The following CPB1 variants were observed in gnomAD, a reference collection of about 807,000 sequenced individuals.
The protein encoded by CPB1 is carboxypeptidase B1, also known as carboxypeptidase B.
CPB1 carries 53 observed loss-of-function variants against 51.4 expected under a neutral mutation model. The observed-to-expected ratio is 1.03, with a 90% confidence interval of 0.83 to 1.30. The LOEUF (loss-of-function observed/expected upper bound fraction) is 1.30, where lower values mean the gene tolerates loss of function less well. Among genes scored for constraint, CPB1 ranks in the 50% most tolerant of loss-of-function variants. The probability of loss-of-function intolerance (pLI) is 0.00; values close to 1 mark genes in which losing one functional copy is unlikely to be tolerated. For synonymous variants in CPB1, 189 were observed against 186.9 expected (o/e 1.01, Z -0.09); for missense variants, 494 against 516.2 (o/e 0.96, Z 0.42).
intron 9 of CPB1, among the ~76,000 whole-genome samples, chr3:148,846,560 A>T (rs958625411): frequency 6.6e-6 from 1 of 151,530 alleles, no homozygotes; most frequent in Non-Finnish European, 1.5e-5. Context: ...ATACTTTCAG[A>T]TTCAGTCTTT....
chr3:148,844,758 G>T lies in CPB1; in HGVS notation c.769G>T (p.Gly257Cys). 1 of 1,613,758 alleles carries T rather than the reference G, an allele frequency of 6.2e-7. No homozygotes were observed. The highest frequency in any genetic ancestry group is 8.5e-7 in the Non-Finnish European group (1 of 1,179,726). Residue 257 changes from glycine to cysteine, a missense_variant, in exon 8 of 11, where the codon GGT becomes TGT. Transcript: ENST00000282957. ...AGACCCCAACAGAAATTTTGATGCTGGTTGGTGTGGTAAGTATCTGGCTAG... is the reference window on the plus strand; with the variant it reads ...AGACCCCAACAGAAATTTTGATGCTTGTTGGTGTGGTAAGTATCTGGCTAG... ...GTDPNRNFDA[G>C]WCEIGASRNP... is the part of the protein sequence containing the mutation.
intron 2 of CPB1, among the ~76,000 whole-genome samples, chr3:148,829,993 A>G (rs9821558): frequency 0.57 from 86,021 of 151,968 alleles, 25,301 homozygotes; most frequent in Middle Eastern, 0.73. Flanking sequence ...ATCAAGATTC[A>G]ACATTCTACC....
At chr3:148,843,478 T>C (rs904463881) in intron 6 of CPB1, among the ~76,000 whole-genome samples, 7 of 152,086 alleles carry the variant, frequency 4.6e-5, no homozygotes, top group Non-Finnish European at 8.8e-5. Flanking sequence ...ATCACTTAGC[T>C]TCACTATGTA....
chr3:148,848,931 A>G (rs1479728995), intron 9 of CPB1, among the ~76,000 whole-genome samples: 1 of 152,216 alleles, frequency 6.6e-6, no homozygotes, highest in South Asian at 2.1e-4. Flanking sequence ...TACTCATACT[A>G]TATTGTTTAA....
intron 3 of CPB1, among the ~76,000 whole-genome samples, chr3:148,837,508 GA>G (rs1712939536): frequency 6.6e-6 from 1 of 151,002 alleles, no homozygotes; most frequent in Admixed American, 6.6e-5. Context: ...GGAGAAGTTG[GA>G]TGGCACTATA....
At chr3:148,852,153 G>A (rs934440266) in intron 9 of CPB1, among the ~76,000 whole-genome samples, 6 of 152,238 alleles carry the variant, frequency 3.9e-5, no homozygotes, top group Admixed American at 2.6e-4. Context: ...TGTCATCAAC[G>A]AGAAAAAGGC....
intron 9 of CPB1, among the ~76,000 whole-genome samples, chr3:148,845,986 A>C (rs1713227302): frequency 6.6e-6 from 1 of 152,178 alleles, no homozygotes; most frequent in Non-Finnish European, 1.5e-5. Context: ...AGTTTTGTGA[A>C]GCTGCCCTGA....
chr3:148,840,453 A>G (rs935031385), intron 3 of CPB1, among the ~76,000 whole-genome samples: 3 of 152,160 alleles, frequency 2.0e-5, no homozygotes, highest in African/African-American at 4.8e-5. Flanking sequence ...GGAAGATCCT[A>G]CCTTGCTTGC....
intron 2 of CPB1, among the ~76,000 whole-genome samples, chr3:148,832,562 T>C (rs1712771564): frequency 6.6e-6 from 1 of 152,190 alleles, no homozygotes; most frequent in Non-Finnish European, 1.5e-5. Context: ...GAAACAGTGT[T>C]AAGCCAGCTA....
intron 2 of CPB1, among the ~76,000 whole-genome samples, chr3:148,828,472 C>T (rs1225436028): frequency 6.6e-6 from 1 of 152,108 alleles, no homozygotes; most frequent in East Asian, 1.9e-4. Flanking sequence ...ATCATCTGTC[C>T]TCTTTGATTT....
At chr3:148,845,647 T>C (rs772211550) in intron 9 of CPB1, 21 bp downstream of exon 9, 1 of 1,565,908 alleles carries the variant, frequency 6.4e-7, no homozygotes, top group South Asian at 1.1e-5. Context: ...AAGTAGTAGG[T>C]ATGACATTTT....
chr3:148,860,174 T>G lies in CPB1; in HGVS notation c.*172T>G. 1.6e-6 allele frequency: 1 copy of G among 623,004 alleles called. No individual in the cohort carries two copies. The allele number at this position is 623,004 out of a possible 1,614,324, so 38.6% of individuals were successfully genotyped here. On this transcript the variant is annotated 3_prime_UTR_variant, in exon 11 of 11. Coordinates refer to ENST00000282957, the MANE Select transcript of CPB1 (RefSeq NM_001871.3). ...TATTGATCATAATAAAAGTGAATCA[T>G]TACTATTGGAAAACTTGACATATGG...
intron 2 of CPB1, among the ~76,000 whole-genome samples, chr3:148,830,975 C>A (rs1712718179): frequency 6.6e-6 from 1 of 152,148 alleles, no homozygotes; most frequent in Non-Finnish European, 1.5e-5. Flanking sequence ...CTGATAAGAT[C>A]ATTACAAGGG....
chr3:148,832,819 A>C (rs1442510318), intron 2 of CPB1, among the ~76,000 whole-genome samples: 1 of 152,156 alleles, frequency 6.6e-6, no homozygotes, highest in African/African-American at 2.4e-5. Context: ...GATCTTAGCA[A>C]GGGGAGTACA....
At chr3:148,835,630 C>T (rs1224425904) in intron 3 of CPB1, among the ~76,000 whole-genome samples, 1 of 152,140 alleles carries the variant, frequency 6.6e-6, no homozygotes, top group Non-Finnish European at 1.5e-5. Context: ...GTCTCTAGTA[C>T]AAAGCAGAGG....
In CPB1 at chr3:148,859,894, A is replaced by T. The variant is rs772650104; in HGVS notation, c.1146A>T (p.Thr382=). The T allele has an allele frequency of 6.2e-7, 1 of 1,614,150 alleles. No homozygotes were observed. The highest frequency in any genetic ancestry group is 8.5e-7 in the Non-Finnish European group (1 of 1,180,010). ...CCTTCACCTTTGAACTTCGAGATAC[A>T]GGCAGATATGGCTTTCTCCTTCCAG... ...RYSFTFELRD[T]GRYGFLLPES... The change falls in exon 11 of 11, where the codon ACA becomes ACT. Residue 382 remains threonine (T), a synonymous_variant. Coordinates refer to ENST00000282957, the MANE Select transcript of CPB1 (RefSeq NM_001871.3).
chr3:148,831,160 G>C (rs1476940897), intron 2 of CPB1, among the ~76,000 whole-genome samples: 4 of 152,082 alleles, frequency 2.6e-5, no homozygotes, highest in African/African-American at 9.7e-5. Flanking sequence ...TCACAATCAG[G>C]GTTGTGCTTG....
Position 148,857,549 on chromosome 3 carries a change from T to C in CPB1, c.1066+8T>C. 6.2e-7 allele frequency: 1 copy of C among 1,610,024 alleles called. No individual in the cohort carries two copies. The highest frequency in any genetic ancestry group is 8.5e-7 in the Non-Finnish European group (1 of 1,176,334). ...CGGGAGCTACAACAATCTGTGAGTC[T>C]TGGCTTCAGAACTGTGCAAAGAACC... On this transcript the variant is annotated splice_region_variant and intron_variant, in intron 10 of 10. Transcript: ENST00000282957.
At chr3:148,833,221 A>T (rs1712792271) in intron 2 of CPB1, among the ~76,000 whole-genome samples, 1 of 151,952 alleles carries the variant, frequency 6.6e-6, no homozygotes, top group African/African-American at 2.4e-5. Context: ...AAACATTGAT[A>T]CTCTATCCTT....
Sources: gnomAD v4.1 joint callset for allele counts (sites outside exome capture counted in the v4.1 genomes callset) on GRCh38, gnomAD v4.1.1 for gene constraint, MANE v1.5 for transcripts, NCBI Gene and HGNC (gene_info 2026-07-23, HGNC 2026-07-21) for gene names.